NCAPD3: variants seen among roughly 807,000 people sequenced by gnomAD.
The protein encoded by NCAPD3 is condensin-2 complex subunit D3.
A neutral mutation model predicts 182.9 loss-of-function variants in NCAPD3; 105 were observed. The observed-to-expected ratio is 0.57, with a 90% CI of 0.49 to 0.68. NCAPD3 has a LOEUF of 0.68. NCAPD3 is among the 30% of genes least tolerant of loss of function. The pLI is 0.00. For missense variants in NCAPD3, 1,944 were observed against 1,837.0 expected, an observed-to-expected ratio of 1.06 and a Z score of -1.07; for synonymous variants, 815 against 679.9, an observed-to-expected ratio of 1.20 and a Z score of -3.09.
Position 134,167,343 on chromosome 11 carries a change from C to CTCACT in NCAPD3, c.3573+652_3573+653insAGTGA, listed in dbSNP as rs1263989339. Among the ~76,000 whole-genome samples the CTCACT allele has an allele frequency of 4.0e-5, 2 of 50,446 alleles. 1 individual carries two copies. Among genetic ancestry groups the CTCACT allele is most frequent in the African/African-American group, 4.6e-4 (2 of 4,338 alleles). 33.1% of individuals were successfully genotyped at this position (50,446 alleles called of 152,430 possible). On this transcript the variant is annotated intron_variant, in intron 27 of 34. Transcript: ENST00000534548. Reference sequence around the variant, plus strand: ...GAAATGAGCCTGGGGGAGGCGCACACTCGTGAGATGAGCTTGGGGGAGGCG... The same window carrying CTCACT: ...GAAATGAGCCTGGGGGAGGCGCACACTCACTTCGTGAGATGAGCTTGGGGGAGGCG...
rs908394998 is a variant in NCAPD3, at chr11:134,152,769, A to C, written c.*175T>G. The C allele has an allele frequency of 2.5e-4, 132 of 531,364 alleles. No individual in the cohort carries two copies. The highest frequency in any genetic ancestry group is 1.7e-4 in the Non-Finnish European group (51 of 304,288). 32.9% of individuals were successfully genotyped at this position (531,364 alleles called of 1,614,324 possible). A position where few individuals can be genotyped will look rare whatever the true frequency, so the allele number is the denominator to read the frequency against. ...TCTATTATTTGACAGTGTTTAACCA[A>C]ATACATCATACAGAATAGAAGGTGA... is the stretch of plus-strand genomic sequence containing the variant. On this transcript the variant is annotated 3_prime_UTR_variant, in exon 35 of 35. Coordinates refer to ENST00000534548, the MANE Select transcript of NCAPD3 (RefSeq NM_015261.3).
chr11:134,175,854 A>G (rs1944147797), intron 24 of NCAPD3, among the ~76,000 whole-genome samples: 1 of 152,134 alleles, frequency 6.6e-6, no homozygotes. Context: ...TCATCTGTAC[A>G]CTTGATTCCA....
At chr11:134,157,224 AGAG>A in intron 31 of NCAPD3, 129 bp from the exon 32 acceptor site, 1 of 635,652 alleles carries the variant, frequency 1.6e-6, no homozygotes, top group Admixed American at 3.3e-5. Context: ...TTTCTTATAA[AGAG>A]GCAATTCAGG....
At chr11:134,196,419 G>A (rs1387587922) in intron 13 of NCAPD3, among the ~76,000 whole-genome samples, 1 of 152,070 alleles carries the variant, frequency 6.6e-6, no homozygotes, top group African/African-American at 2.4e-5. Flanking sequence ...CGAGGTGGGT[G>A]GATCACCTGA....
chr11:134,169,884 TTTTAA>T (rs1943964288), intron 24 of NCAPD3, among the ~76,000 whole-genome samples: 3 of 152,214 alleles, frequency 2.0e-5, no homozygotes, highest in African/African-American at 7.2e-5. Context: ...AAGACCAGTG[TTTTAA>T]TTTAATATCA....
At position 134,210,370 on chromosome 11, in the gene NCAPD3, T is replaced by C. The variant is rs1199682035; in HGVS notation, c.467A>G (p.Asn156Ser). 1.2e-6 allele frequency: 2 copies of C among 1,614,076 alleles called. No individual in the cohort carries two copies. The highest frequency in any genetic ancestry group is 2.7e-5 in the African/African-American group (2 of 74,938). The change falls in exon 4 of 35, where the codon AAC becomes AGC. Residue 156 changes from asparagine to serine, a missense_variant. Physicochemically the swap from Asn to Ser is conservative, Grantham distance 46 (BLOSUM62 1). Transcript: ENST00000534548. ...TTCTTTCTTTCTTTTCCGATTCAAG[T>C]TAGATTCCTGGGGCCAGCTCTTCTT... ...TLKKSWPQES[N>S]LNRKRKKEQP...
intron 28 of NCAPD3, 36 bp downstream of exon 28, chr11:134,161,745 G>A (rs1943586767): frequency 2.4e-6 from 3 of 1,252,254 alleles, no homozygotes; most frequent in Non-Finnish European, 3.5e-6. Context: ...TGAACTGGTA[G>A]GACAACAACC....
At chr11:134,202,427 G>T (rs1356867973) in intron 13 of NCAPD3, among the ~76,000 whole-genome samples, 13 of 152,178 alleles carry the variant, frequency 8.5e-5, no homozygotes, top group Admixed American at 8.5e-4. Flanking sequence ...GCCCAGGCTG[G>T]AGTACAGTGG....
In NCAPD3 at chr11:134,204,880, T is replaced by A. The variant is rs763343022; in HGVS notation, c.1089+19A>T. ...ACGATATACTTCCATGTTATTAATA[T>A]TACTAAGGCAAACAGTACCTTGGCA... On this transcript the variant is annotated intron_variant, in intron 9 of 34. Coordinates refer to ENST00000534548, the MANE Select transcript of NCAPD3 (RefSeq NM_015261.3). This position sits in a 1 kb window ranked among gnomAD's most constrained non-coding sequence, Gnocchi z 4.3. 1.9e-6 allele frequency: 3 copies of A among 1,579,452 alleles called. No individual in the cohort carries two copies. The highest frequency in any genetic ancestry group is 2.7e-5 in the African/African-American group (2 of 73,994).
In NCAPD3 at chr11:134,192,695, T is replaced by C. The variant is rs748956519; in HGVS notation, c.2039A>G (p.Glu680Gly). 3.1e-6 allele frequency: 5 copies of C among 1,613,560 alleles called. No individual in the cohort carries two copies. The highest frequency in any genetic ancestry group is 4.2e-6 in the Non-Finnish European group (5 of 1,179,468). Residue 680 changes from glutamate (E) to glycine (G), a missense_variant, in exon 16 of 35, where the codon GAA becomes GGA. Around this residue, in one of 3 missense-constraint regions of NCAPD3, gnomAD observed 1,803 missense variants for 1,674.6 expected, o/e 1.08. Transcript: ENST00000534548. ...GGTCATACAGTTAACCTACCTCAGTTCCTGGCTTTCGGTGGTGAGGAGAGT... is the reference window on the plus strand; with the variant it reads ...GGTCATACAGTTAACCTACCTCAGTCCCTGGCTTTCGGTGGTGAGGAGAGT... ...LLTLLTTESQ[E>G]LSRYLNKAFH... is the part of the protein sequence containing the mutation.
intron 24 of NCAPD3, among the ~76,000 whole-genome samples, chr11:134,171,658 C>T (rs145500371): frequency 9.8e-5 from 15 of 152,286 alleles, no homozygotes; most frequent in East Asian, 1.9e-4. Flanking sequence ...CAAATCCAAG[C>T]GCCTGTGATG....
In NCAPD3 at chr11:134,184,955, C is replaced by A; in HGVS notation, c.2283G>T (p.Val761=). Residue 761 remains valine, a synonymous_variant, in exon 18 of 35, where the codon GTG becomes GTT. Transcript: ENST00000534548. ...GAAGATGCTTTGCAATATGCCCAATCACACAGAGAATATGTCCTAAGGTGT... is the reference window on the plus strand; with the variant it reads ...GAAGATGCTTTGCAATATGCCCAATAACACAGAGAATATGTCCTAAGGTGT... The part of the protein sequence containing the change: ...NSNTLGHILC[V]IGHIAKHLPK... 3 of 1,613,990 alleles carry A rather than the reference C, an allele frequency of 1.9e-6. No individual in the cohort carries two copies. The highest frequency in any genetic ancestry group is 2.5e-6 in the Non-Finnish European group (3 of 1,179,888).
rs1447028705 is a variant in NCAPD3 at position 134,204,363 on chromosome 11, TC to T, written c.1090-193del. Among the ~76,000 whole-genome samples the T allele has an allele frequency of 1.3e-5, 2 of 152,170 alleles. No individual in the cohort carries two copies. The highest frequency in any genetic ancestry group is 2.9e-5 in the Non-Finnish European group (2 of 68,030). ...CTAAAGGAAATCTATAAACCATCTCTCCAGAAAAATGCACATACAAATTTAG... is the reference window on the plus strand; with the variant it reads ...CTAAAGGAAATCTATAAACCATCTCTCAGAAAAATGCACATACAAATTTAG... On this transcript the variant is annotated intron_variant, in intron 9 of 34. Transcript: ENST00000534548. This position sits in a 1 kb window ranked among gnomAD's most constrained non-coding sequence, Gnocchi z 4.3.
intron 16 of NCAPD3, among the ~76,000 whole-genome samples, chr11:134,187,968 G>A (rs562416145): frequency 2.6e-5 from 4 of 152,074 alleles, no homozygotes; most frequent in Admixed American, 2.6e-4. Flanking sequence ...CCTCCTATAG[G>A]GCCTTTACAG....
At chr11:134,206,761 G>A in intron 7 of NCAPD3, 29 bp from the exon 8 acceptor site, 15 of 1,593,942 alleles carry the variant, frequency 9.4e-6, no homozygotes, top group Non-Finnish European at 1.2e-5. Flanking sequence ...TTCAATTTAA[G>A]ATCGGATGGA....
At chr11:134,181,494 T>C (rs1403933646) in intron 19 of NCAPD3, among the ~76,000 whole-genome samples, 1 of 152,230 alleles carries the variant, frequency 6.6e-6, no homozygotes, top group Non-Finnish European at 1.5e-5. Context: ...AAGAGATCTA[T>C]AATAGTAGTG....
intron 29 of NCAPD3, among the ~76,000 whole-genome samples, chr11:134,159,171 T>C (rs529908616): frequency 2.0e-5 from 3 of 152,354 alleles, no homozygotes; most frequent in Admixed American, 6.5e-5. Context: ...CTTTTGACTA[T>C]ACAGTCAGCA....
At chr11:134,202,215 C>G (rs1343435837) in intron 13 of NCAPD3, among the ~76,000 whole-genome samples, 2 of 152,184 alleles carry the variant, frequency 1.3e-5, no homozygotes, top group Non-Finnish European at 2.9e-5. Flanking sequence ...TTATCTGTGT[C>G]TCTCTCTCTT....
chr11:134,160,163 C>A, intron 28 of NCAPD3, 89 bp from the exon 29 acceptor site: 1 of 1,320,764 alleles, frequency 7.6e-7, no homozygotes, highest in Non-Finnish European at 1.0e-6. Context: ...GCCTGTGTAA[C>A]AAACCTGCAC....
Sources: gnomAD v4.1 joint callset for allele counts (sites outside exome capture counted in the v4.1 genomes callset) on GRCh38, gnomAD v4.1.1 for gene constraint, gnomAD v4.1.1 regional missense constraint, Gnocchi (gnomAD v3.1) non-coding constraint, MANE v1.5 for transcripts, NCBI Gene and HGNC (gene_info 2026-07-23, HGNC 2026-07-21) for gene names.